Variants in PKD1L3 observed in about 807,000 individuals in gnomAD.
PKD1L3 encodes polycystin 1 like 3, transient receptor potential channel interacting, also known as polycystin-1-like protein 3.
PKD1L3 carries 239 observed loss-of-function variants against 184.1 expected under a neutral mutation model. The observed-to-expected ratio is 1.30, with a 90% CI of 1.17 to 1.45. PKD1L3 has a LOEUF of 1.45. Among genes scored for constraint, PKD1L3 ranks in the 40% most tolerant of loss-of-function variants. The pLI, the probability that PKD1L3 is intolerant of heterozygous loss-of-function variation, is 0.00. For missense variants in PKD1L3, 2,660 were observed against 2,067.2 expected (o/e 1.29, Z -5.56); for synonymous variants, 996 against 778.8 (o/e 1.28, Z -4.64).
intron 4 of PKD1L3, among the ~76,000 whole-genome samples, chr16:71,989,884 G>A (rs748102569): frequency 1.3e-5 from 2 of 152,094 alleles, no homozygotes; most frequent in African/African-American, 2.4e-5. Context: ...AGACCAGCCT[G>A]GCCAACATAG....
intron 25 of PKD1L3, among the ~76,000 whole-genome samples, chr16:71,936,519 C>CTT (rs397785025): frequency 0.19 from 23,294 of 123,132 alleles, 2,746 homozygotes; most frequent in Non-Finnish European, 0.27. Flanking sequence ...TTTTTTTTTT[C>CTT]TTTTTTTTTT....
chr16:71,975,927 T>C (rs1465205117), intron 11 of PKD1L3, among the ~76,000 whole-genome samples: 1 of 151,032 alleles, frequency 6.6e-6, no homozygotes, highest in Non-Finnish European at 1.5e-5. Context: ...TCAGAGAAAC[T>C]GGATGAGAGG....
At chr16:71,982,994 G>A (rs1434626156) in intron 6 of PKD1L3, among the ~76,000 whole-genome samples, 1 of 152,110 alleles carries the variant, frequency 6.6e-6, no homozygotes, top group African/African-American at 2.4e-5. Context: ...GACAGGGAAG[G>A]AGAATATATT....
At chr16:71,989,730 C>CAAAAA (rs1266364525) in intron 4 of PKD1L3, among the ~76,000 whole-genome samples, 5 of 152,224 alleles carry the variant, frequency 3.3e-5, no homozygotes, top group African/African-American at 1.2e-4. Flanking sequence ...AAATACCCAA[C>CAAAAA]CAACAAACAC....
chr16:71,933,807 C>G (rs951218542), intron 27 of PKD1L3, 108 bp downstream of exon 27: 12 of 1,243,504 alleles, frequency 9.7e-6, no homozygotes, highest in African/African-American at 1.5e-5. Context: ...ACCCGGCTTT[C>G]CTACTGTACC....
At chr16:71,968,093 A>AGTTCCTGCCTC in intron 13 of PKD1L3, 86 bp from the exon 14 acceptor site, 1 of 1,093,952 alleles carries the variant, frequency 9.1e-7, no homozygotes, top group Non-Finnish European at 1.3e-6. Flanking sequence ...AGGAGGATGA[A>AGTTCCTGCCTC]CTCCGGCAGG....
At chr16:71,943,646 G>C (rs2038448663) in intron 23 of PKD1L3, among the ~76,000 whole-genome samples, 1 of 151,864 alleles carries the variant, frequency 6.6e-6, no homozygotes, top group African/African-American at 2.4e-5. Flanking sequence ...TACAAGAAGT[G>C]AAGTCATGAT....
chr16:71,992,248 A>G (rs1049053792), intron 3 of PKD1L3, among the ~76,000 whole-genome samples: 3 of 152,230 alleles, frequency 2.0e-5, no homozygotes, highest in Non-Finnish European at 4.4e-5. Flanking sequence ...TTGCCCCACA[A>G]TAAGGCAGTC....
At chr16:71,996,101 G>A (rs1048100831) in intron 2 of PKD1L3, among the ~76,000 whole-genome samples, 1 of 151,812 alleles carries the variant, frequency 6.6e-6, no homozygotes, top group South Asian at 2.1e-4. Context: ...TTCACATGCC[G>A]ATGTAAGAGA....
At chr16:71,966,786 A>G (rs2039517002) in intron 15 of PKD1L3, among the ~76,000 whole-genome samples, 1 of 152,166 alleles carries the variant, frequency 6.6e-6, no homozygotes, top group Non-Finnish European at 1.5e-5. Flanking sequence ...GTTGTTTACT[A>G]AAGTTAGTCT....
At chr16:71,935,708 A>G (rs1376686074) in intron 25 of PKD1L3, among the ~76,000 whole-genome samples, 190 bp from the exon 26 acceptor site, 1 of 152,236 alleles carries the variant, frequency 6.6e-6, no homozygotes, top group African/African-American at 2.4e-5. Context: ...TGCTTACAAA[A>G]AAGTTATCTT....
chr16:71,942,633 C>G lies in PKD1L3; in HGVS notation c.4251G>C (p.Val1417=), dbSNP rs2038399717. ...FSYICSPRPM[V]LIPTDELHER... ...CGTGAAGCTCATCAGTGGGAATCAG[C>G]ACCATGGGCCTGGGTGAACAGATGT... The change falls in exon 24 of 30, where the codon GTG becomes GTC. Residue 1417 remains valine, a synonymous_variant. Transcript: ENST00000620267. 1.3e-6 allele frequency: 2 copies of G among 1,551,726 alleles called. No homozygotes were observed.
intron 11 of PKD1L3, among the ~76,000 whole-genome samples, chr16:71,976,308 C>T (rs566756412): frequency 2.1e-4 from 25 of 116,944 alleles, no homozygotes; most frequent in Admixed American, 3.9e-4. Flanking sequence ...TAGCCTGGAG[C>T]GCAATGGTGC....
chr16:71,947,471 T>G (rs8050058), intron 22 of PKD1L3, 21 bp downstream of exon 22: 368,140 of 1,478,768 alleles, frequency 0.25, 47,949 homozygotes, highest in Middle Eastern at 0.3. Flanking sequence ...ATTAGGTAGT[T>G]GTTAGAACTA....
chr16:71,938,296 G>A lies in PKD1L3; in HGVS notation c.4325-877C>T, dbSNP rs868710911. On this transcript the variant is annotated intron_variant, in intron 24 of 29. Transcript: ENST00000620267. ...CTGACAAGCAGCCCCCTACTGCCTC[G>A]GCCTTCTCCGAACTTTGGACACGGA... is the stretch of plus-strand genomic sequence containing the variant. Among the ~76,000 whole-genome samples the A allele has an allele frequency of 2.6e-5, 4 of 152,244 alleles. No individual in the cohort carries two copies. In the South Asian group the frequency reaches 6.2e-4, roughly 24 times the overall value.
chr16:71,953,055 TGACCAGCA>T lies in PKD1L3; in HGVS notation c.2840_2847del (p.Leu947GlnfsTer23). The T allele has an allele frequency of 1.3e-6, 2 of 1,535,412 alleles. No individual in the cohort carries two copies. The highest frequency in any genetic ancestry group is 5.0e-5 in the East Asian group (2 of 39,826). On this transcript the variant is annotated frameshift_variant, in exon 18 of 30. Coordinates refer to ENST00000620267, the MANE Select transcript of PKD1L3 (RefSeq NM_181536.2). LOFTEE classifies it high-confidence loss of function. ...AAGAGGATGACAGCAGTATGGATGC[TGACCAGCA>T]GTTCAGACCAGGCCACAGCAAATGG... is the stretch of plus-strand genomic sequence containing the variant.
intron 5 of PKD1L3, 53 bp downstream of exon 5, chr16:71,986,168 A>G (rs2040353669): frequency 6.5e-7 from 1 of 1,539,524 alleles, no homozygotes; most frequent in African/African-American, 1.4e-5. Context: ...GGGTGAACCA[A>G]GTACTTTTTG....
chr16:71,984,180 A>C lies in PKD1L3; in HGVS notation c.835-13T>G, dbSNP rs1190939614. 1.9e-6 allele frequency: 3 copies of C among 1,550,254 alleles called. No homozygotes were observed. Among genetic ancestry groups the C allele is most frequent in the East Asian group, 4.9e-5 (2 of 40,904 alleles). On this transcript the variant is annotated splice_polypyrimidine_tract_variant and intron_variant, in intron 5 of 29. Transcript: ENST00000620267. Reference sequence around the variant, plus strand: ...TCTCATCTATGACCTATTGGGAACAAAGAAGTTGTCAAAATTACTCATACA... The same window carrying C: ...TCTCATCTATGACCTATTGGGAACACAGAAGTTGTCAAAATTACTCATACA...
chr16:71,951,734 T>G lies in PKD1L3; in HGVS notation c.3020A>C (p.Glu1007Ala), dbSNP rs144693471. 1.1e-3 allele frequency: 1,710 copies of G among 1,549,314 alleles called. 1 individual carries two copies. Among genetic ancestry groups the G allele is most frequent in the Non-Finnish European group, 1.4e-3 (1,601 of 1,146,272 alleles). Residue 1007 changes from glutamate to alanine, a missense_variant, in exon 19 of 30, where the codon GAA (glutamate) becomes GCA (alanine). Physicochemically the swap from Glu to Ala is moderately radical, Grantham distance 107 (BLOSUM62 -1). Coordinates refer to ENST00000620267, the MANE Select transcript of PKD1L3 (RefSeq NM_181536.2). ...SATMVVEELK[E>A]TVRFLLRRNT... is the part of the protein sequence containing the mutation. ...TCTCCTGAGCAGGAATCTCACAGTTTCCTTTAATTCCTGAATGTAGGACCA... is the reference window on the plus strand; with the variant it reads ...TCTCCTGAGCAGGAATCTCACAGTTGCCTTTAATTCCTGAATGTAGGACCA...
Sources: gnomAD v4.1 joint callset for allele counts (sites outside exome capture counted in the v4.1 genomes callset) on GRCh38, gnomAD v4.1.1 for gene constraint, MANE v1.5 for transcripts, NCBI Gene and HGNC (gene_info 2026-07-23, HGNC 2026-07-21) for gene names.